The following AXDND1 variants were observed in gnomAD, a reference collection of about 807,000 sequenced individuals.
AXDND1 encodes axonemal dynein light chain domain-containing protein 1.
Under a neutral mutation model 137.5 loss-of-function variants are expected in AXDND1, and 110 were observed. The ratio of observed to expected loss-of-function variants is 0.80; its 90% CI spans 0.69 to 0.94. The LOEUF (loss-of-function observed/expected upper bound fraction) is 0.94, where lower values mean the gene tolerates loss of function less well. Ranked by LOEUF, AXDND1 falls within the 40% of genes least tolerant of loss-of-function variation. AXDND1 has a pLI of 0.00. For synonymous variants in AXDND1, 414 were observed against 399.7 expected (o/e 1.04, Z -0.43); for missense variants, 1,191 against 1,169.8 (o/e 1.02, Z -0.26).
chr1:179,509,846 A>G (rs1270962857), intron 21 of AXDND1, among the ~76,000 whole-genome samples: 2 of 152,132 alleles, frequency 1.3e-5, no homozygotes, highest in African/African-American at 2.4e-5. Flanking sequence ...TCTAAAAGCA[A>G]TCTAAAACAT....
At chr1:179,459,829 TTTC>T (rs1255470082) in intron 16 of AXDND1, among the ~76,000 whole-genome samples, 2 of 141,250 alleles carry the variant, frequency 1.4e-5, no homozygotes, top group Admixed American at 7.0e-5. Flanking sequence ...CTCTTTTTCT[TTTC>T]TTTTCTTTCC....
chr1:179,405,630 A>G lies in AXDND1; in HGVS notation c.1110-5516A>G, dbSNP rs968295621. Among the ~76,000 whole-genome samples the G allele has an allele frequency of 6.6e-5, 10 of 152,204 alleles. No homozygotes were observed. In the South Asian group the frequency reaches 8.3e-4, roughly 13 times the overall value. On this transcript the variant is annotated intron_variant, in intron 11 of 25. Transcript: ENST00000367618. ...GTAGGTTTTATGTGTTCAGGAGTATATCTAGTTTCTTCTAGGTATTCCAAT... is the reference window on the plus strand; with the variant it reads ...GTAGGTTTTATGTGTTCAGGAGTATGTCTAGTTTCTTCTAGGTATTCCAAT...
intron 11 of AXDND1, among the ~76,000 whole-genome samples, chr1:179,408,784 A>G (rs1027968819): frequency 3.9e-5 from 6 of 152,068 alleles, no homozygotes; most frequent in African/African-American, 1.2e-4. Context: ...TGCTCAAGCA[A>G]TCCTTACACA....
intron 12 of AXDND1, among the ~76,000 whole-genome samples, chr1:179,419,897 G>A (rs1469199302): frequency 6.6e-6 from 1 of 152,158 alleles, no homozygotes; most frequent in Admixed American, 6.5e-5. Context: ...TTTTGTGAAT[G>A]AGGCTAATTT....
intron 11 of AXDND1, among the ~76,000 whole-genome samples, chr1:179,401,796 G>T (rs1315817194): frequency 2.0e-5 from 3 of 152,048 alleles, no homozygotes; most frequent in African/African-American, 7.2e-5. Context: ...TGTAAGAGGG[G>T]CCTTTCACCT....
chr1:179,477,501 C>T (rs1664783705), intron 17 of AXDND1, among the ~76,000 whole-genome samples: 1 of 152,056 alleles, frequency 6.6e-6, no homozygotes, highest in Non-Finnish European at 1.5e-5. Flanking sequence ...AAGGGATTTC[C>T]CCTTATGAAA....
chr1:179,547,207 C>A (rs1672730495), intron 25 of AXDND1, among the ~76,000 whole-genome samples: 1 of 152,178 alleles, frequency 6.6e-6, no homozygotes, highest in African/African-American at 2.4e-5. Flanking sequence ...GCTGCGTAGG[C>A]CCTGCATACC....
Position 179,379,488 on chromosome 1 carries a change from T to C in AXDND1, c.581+6T>C, listed in dbSNP as rs1243974097. 1.2e-6 allele frequency: 2 copies of C among 1,610,112 alleles called. No homozygotes were observed. Among genetic ancestry groups the C allele is most frequent in the Admixed American group, 3.4e-5 (2 of 59,494 alleles). ...GGTTTGGAGTGTTATGATGAGTGAG[T>C]ACTATGATATGTAAAAAATACCTGC... On this transcript the variant is annotated splice_donor_region_variant and intron_variant, in intron 6 of 25. Coordinates refer to ENST00000367618, the MANE Select transcript of AXDND1 (RefSeq NM_144696.6).
At chr1:179,517,975 A>G (rs1669701669) in intron 21 of AXDND1, among the ~76,000 whole-genome samples, 1 of 152,222 alleles carries the variant, frequency 6.6e-6, no homozygotes. Flanking sequence ...CCCATCCACC[A>G]GGATGATCTT....
intron 4 of AXDND1, among the ~76,000 whole-genome samples, chr1:179,374,543 C>G (rs1243963184): frequency 6.6e-6 from 1 of 152,120 alleles, no homozygotes; most frequent in African/African-American, 2.4e-5. Context: ...TATTGCGGCA[C>G]TATTCACAAT....
chr1:179,379,235 T>C (rs773447411), intron 5 of AXDND1, among the ~76,000 whole-genome samples, 162 bp from the exon 6 acceptor site: 1 of 152,220 alleles, frequency 6.6e-6, no homozygotes, highest in South Asian at 2.1e-4. Context: ...TTAGTTTTTG[T>C]CATTTGCTAT....
intron 11 of AXDND1, among the ~76,000 whole-genome samples, chr1:179,399,713 C>T: frequency 6.6e-6 from 1 of 152,124 alleles, no homozygotes; most frequent in East Asian, 1.9e-4. Flanking sequence ...CTACAATGAA[C>T]TCAAACAAAT....
chr1:179,533,626 CTTTTTTT>C (rs66461504), intron 23 of AXDND1, among the ~76,000 whole-genome samples, 162 bp from the exon 24 acceptor site: 2 of 136,236 alleles, frequency 1.5e-5, no homozygotes. Context: ...GAGACAATCC[CTTTTTTT>C]TTTTTTTTTT....
intron 20 of AXDND1, among the ~76,000 whole-genome samples, chr1:179,496,946 C>T (rs775806319): frequency 2.0e-5 from 3 of 151,968 alleles, no homozygotes; most frequent in African/African-American, 4.8e-5. Flanking sequence ...TTGCATTCTT[C>T]GTTCATCCAT....
intron 16 of AXDND1, among the ~76,000 whole-genome samples, chr1:179,463,246 G>C (rs906779240): frequency 7.6e-4 from 115 of 152,106 alleles, no homozygotes; most frequent in Admixed American, 2.3e-3. Flanking sequence ...GCTTTCTGTT[G>C]TGGGCATTTA....
chr1:179,442,913 G>C (rs886329905), intron 15 of AXDND1, among the ~76,000 whole-genome samples: 2 of 152,124 alleles, frequency 1.3e-5, no homozygotes, highest in Non-Finnish European at 2.9e-5. Context: ...GGGGTCAGGG[G>C]GCACCTTGCC....
chr1:179,374,159 G>T (rs955648660), intron 4 of AXDND1, among the ~76,000 whole-genome samples: 12 of 152,166 alleles, frequency 7.9e-5, no homozygotes, highest in African/African-American at 2.7e-4. Context: ...CAAAAAGTGG[G>T]CAAAGGATAC....
chr1:179,453,823 A>T (rs1353728039), intron 16 of AXDND1: 1 of 129,786 alleles, frequency 7.7e-6, no homozygotes, highest in Non-Finnish European at 1.7e-5. Flanking sequence ...AAAAAAAAAA[A>T]TGGACTCTCC....
intron 25 of AXDND1, among the ~76,000 whole-genome samples, chr1:179,535,448 C>T (rs1671452138): frequency 6.6e-6 from 1 of 152,104 alleles, no homozygotes; most frequent in Non-Finnish European, 1.5e-5. Flanking sequence ...TGTTCAACTC[C>T]CACTTATGAG....
Sources: gnomAD v4.1 joint callset for allele counts (sites outside exome capture counted in the v4.1 genomes callset) on GRCh38, gnomAD v4.1.1 for gene constraint, MANE v1.5 for transcripts, NCBI Gene and HGNC (gene_info 2026-07-23, HGNC 2026-07-21) for gene names.